AREG: variants seen among roughly 807,000 people sequenced by gnomAD.
AREG encodes the protein amphiregulin B.
AREG carries 16 observed loss-of-function variants against 28.0 expected under a neutral mutation model. The observed-to-expected ratio is 0.57, with a 90% CI of 0.39 to 0.87. The LOEUF is 0.87. Ranked by LOEUF, AREG falls within the 40% of genes least tolerant of loss-of-function variation. The pLI is 0.00. For synonymous variants in AREG, 113 were observed against 113.5 expected (o/e 1.00, Z 0.02); for missense variants, 287 against 309.1 (o/e 0.93, Z 0.53).
At chr4:74,445,466 G>T (rs1719266423) in intron 1 of AREG, 60 bp downstream of exon 1, 15 of 1,569,880 alleles carry the variant, frequency 9.6e-6, no homozygotes, top group South Asian at 1.2e-5. Flanking sequence ...TTTGCCTCTT[G>T]AGTTTGGCTC....
In AREG at chr4:74,454,838, G is replaced by C. The variant is rs1384170329; in HGVS notation, c.*98G>C. ...CTTTCCAGTGGATCATAAGACAATG[G>C]ACCCTTTTTGTTATGATGGTTTTAA... On this transcript the variant is annotated 3_prime_UTR_variant, in exon 6 of 6. Coordinates refer to ENST00000395748, the MANE Select transcript of AREG (RefSeq NM_001657.4). 3 of 700,070 alleles carry C rather than the reference G, an allele frequency of 4.3e-6. No homozygotes were observed. The highest frequency in any genetic ancestry group is 7.8e-6 in the Non-Finnish European group (3 of 383,538). The allele number at this position is 700,070 out of a possible 1,614,324, so 43.4% of individuals were successfully genotyped here.
intron 1 of AREG, among the ~76,000 whole-genome samples, chr4:74,445,786 T>A (rs1041085299): frequency 4.6e-5 from 7 of 152,178 alleles, no homozygotes; most frequent in Admixed American, 3.3e-4. Flanking sequence ...CTCTGTCTAG[T>A]GATTTCTTCT....
chr4:74,445,536 T>G, intron 1 of AREG, 130 bp downstream of exon 1: 2 of 1,494,326 alleles, frequency 1.3e-6, no homozygotes, highest in East Asian at 2.5e-5. Flanking sequence ...AGGTGATCAC[T>G]GTAGCTCCCT....
intron 5 of AREG, among the ~76,000 whole-genome samples, chr4:74,454,513 G>T (rs1482188714): frequency 5.3e-5 from 8 of 152,160 alleles, no homozygotes; most frequent in Non-Finnish European, 1.2e-4. Context: ...CAACAGATTT[G>T]AGCATATGTG....
At chr4:74,450,683 T>C (rs975652254) in intron 4 of AREG, 151 bp downstream of exon 4, 9 of 1,248,382 alleles carry the variant, frequency 7.2e-6, no homozygotes, top group South Asian at 6.5e-5. Flanking sequence ...TTGACAAATA[T>C]CACAGAAAGT....
intron 2 of AREG, 119 bp downstream of exon 2, chr4:74,446,901 A>C: frequency 6.3e-7 from 1 of 1,594,992 alleles, no homozygotes; most frequent in Non-Finnish European, 8.6e-7. Flanking sequence ...TATCTGTTGG[A>C]TAGCCCCTAG....
intron 3 of AREG, among the ~76,000 whole-genome samples, chr4:74,449,797 C>A (rs924227512): frequency 2.0e-5 from 3 of 152,152 alleles, no homozygotes; most frequent in East Asian, 3.9e-4. Context: ...TCTTAGCTTG[C>A]AGGTTGTTTA....
intron 4 of AREG, among the ~76,000 whole-genome samples, 156 bp downstream of exon 4, chr4:74,450,688 G>T (rs921124799): frequency 2.0e-5 from 3 of 152,146 alleles, no homozygotes; most frequent in Non-Finnish European, 2.9e-5. Context: ...AAATATCACA[G>T]AAAGTGGTCA....
chr4:74,448,845 G>GTA, intron 2 of AREG: 1 of 675,572 alleles, frequency 1.5e-6, no homozygotes, highest in Non-Finnish European at 2.4e-6. Context: ...AATCATGAGT[G>GTA]GACACTACTT....
chr4:74,445,387 G>A lies in AREG; in HGVS notation c.42G>A (p.Ser14=), dbSNP rs939131054. Reference sequence around the variant, plus strand: ...TACCGCCGGCGCCGGTGGTGCTGTCGCTCTTGATACTCGGCTCAGGTGAGG... The same window carrying A: ...TACCGCCGGCGCCGGTGGTGCTGTCACTCTTGATACTCGGCTCAGGTGAGG... ...PLLPPAPVVL[S]LLILGSGHYA... is the part of the protein sequence containing the mutation. The change falls in exon 1 of 6, where the codon TCG becomes TCA. Residue 14 remains serine (S), a synonymous_variant. Coordinates refer to ENST00000395748, the MANE Select transcript of AREG (RefSeq NM_001657.4). 11 of 1,610,460 alleles carry A rather than the reference G, an allele frequency of 6.8e-6. No homozygotes were observed. In the Admixed American group the frequency reaches 1.5e-4, roughly 22 times the overall value.
rs1452460371 is a variant in AREG at position 74,446,669 on chromosome 4, T to C, written c.197T>C (p.Val66Ala). 6.2e-7 allele frequency: 1 copy of C among 1,613,796 alleles called. No homozygotes were observed. Among genetic ancestry groups the C allele is most frequent in the Non-Finnish European group, 8.5e-7 (1 of 1,179,864 alleles). Reference protein sequence around the residue: ...EMSSGSEISPVSEMPSSSEPS... With the variant: ...EMSSGSEISPASEMPSSSEPS... ...TCTTCAGGGAGTGAGATTTCCCCTG[T>C]GAGTGAAATGCCTTCTAGTAGTGAA... The change falls in exon 2 of 6, where the codon GTG becomes GCG. Residue 66 changes from valine to alanine, a missense_variant. Transcript: ENST00000395748.
At position 74,449,179 on chromosome 4, in the gene AREG, C is replaced by A; in HGVS notation, c.443C>A (p.Ala148Glu). ...RNRKKKNPCN[A>E]EFQNFCIHGE... ...AGAAAGAAGAAAAATCCATGTAATG[C>A]AGAATTTCAAAATTTCTGCATTCAC... Residue 148 changes from alanine to glutamate, a missense_variant, in exon 3 of 6, where the codon GCA becomes GAA. Physicochemically the swap from Ala to Glu is moderately radical, Grantham distance 107. Coordinates refer to ENST00000395748, the MANE Select transcript of AREG (RefSeq NM_001657.4). 6.2e-7 allele frequency: 1 copy of A among 1,612,976 alleles called. No individual in the cohort carries two copies. Among genetic ancestry groups the A allele is most frequent in the Non-Finnish European group, 8.5e-7 (1 of 1,179,694 alleles).
intron 2 of AREG, among the ~76,000 whole-genome samples, chr4:74,447,482 C>CCATG (rs1578843907): frequency 6.6e-6 from 1 of 152,024 alleles, no homozygotes; most frequent in Admixed American, 6.6e-5. Flanking sequence ...GTTATATAAC[C>CCATG]CATGGTTTCT....
chr4:74,453,786 T>G (rs1385536197), intron 5 of AREG, among the ~76,000 whole-genome samples: 1 of 152,102 alleles, frequency 6.6e-6, no homozygotes, highest in African/African-American at 2.4e-5. Context: ...CTGGGTGTGG[T>G]GGTGAATGTC....
At chr4:74,450,889 A>G (rs995685102) in intron 4 of AREG, among the ~76,000 whole-genome samples, 1 of 152,152 alleles carries the variant, frequency 6.6e-6, no homozygotes, top group Non-Finnish European at 1.5e-5. Flanking sequence ...CTCAGGAGCT[A>G]ATTAAGACCT....
chr4:74,450,340 G>A (rs749457322), intron 3 of AREG, 40 bp from the exon 4 acceptor site: 31 of 1,613,756 alleles, frequency 1.9e-5, no homozygotes, highest in South Asian at 8.8e-5. Context: ...CACACCGCAC[G>A]TTTTTGTGAT....
chr4:74,453,165 G>T (rs1719407171), intron 5 of AREG, among the ~76,000 whole-genome samples: 1 of 152,274 alleles, frequency 6.6e-6, no homozygotes, highest in African/African-American at 2.4e-5. Flanking sequence ...AGAAACTTGT[G>T]AAAAATGGCT....
Position 74,454,797 on chromosome 4 carries a change from A to G in AREG, c.*57A>G. ...AGTCACTGCCAAGTCATAGCCATAA[A>G]TGATGAGTCGGTCCTCTTTCCAGTG... is the stretch of plus-strand genomic sequence containing the variant. On this transcript the variant is annotated 3_prime_UTR_variant, in exon 6 of 6. Coordinates refer to ENST00000395748, the MANE Select transcript of AREG (RefSeq NM_001657.4). 1.4e-6 allele frequency: 1 copy of G among 699,760 alleles called. No homozygotes were observed. Among genetic ancestry groups the G allele is most frequent in the Non-Finnish European group, 2.6e-6 (1 of 383,340 alleles). The allele number at this position is 699,760 out of a possible 1,614,324, so 43.3% of individuals were successfully genotyped here. A position where few individuals can be genotyped will look rare whatever the true frequency, so the allele number is the denominator to read the frequency against.
At chr4:74,452,437 G>T (rs1381539667) in intron 4 of AREG, 107 bp from the exon 5 acceptor site, 1 of 1,260,840 alleles carries the variant, frequency 7.9e-7, no homozygotes, top group Non-Finnish European at 1.1e-6. Flanking sequence ...AGTGATTGCT[G>T]GTCTATCACT....
Sources: gnomAD v4.1 joint callset for allele counts (sites outside exome capture counted in the v4.1 genomes callset) on GRCh38, gnomAD v4.1.1 for gene constraint, MANE v1.5 for transcripts, NCBI Gene and HGNC (gene_info 2026-07-23, HGNC 2026-07-21) for gene names.